Variants in TSC1 observed in about 807,000 individuals in gnomAD.
TSC1 encodes hamartin.
In TSC1, 20 loss-of-function variants were observed where a neutral mutation model predicts 124.3. The ratio of observed to expected loss-of-function variants is 0.16; its 90% confidence interval spans 0.11 to 0.23. The LOEUF (loss-of-function observed/expected upper bound fraction) is 0.23, where lower values mean the gene tolerates loss of function less well. Among genes scored for constraint, TSC1 ranks in the 10% least tolerant of loss-of-function variants. TSC1 has a pLI of 1.00. For missense variants in TSC1, 1,124 were observed against 1,448.5 expected (o/e 0.78, Z 3.64); for synonymous variants, 493 against 539.1 (o/e 0.91, Z 1.19).
intron 6 of TSC1, among the ~76,000 whole-genome samples, chr9:132,922,449 A>G (rs1846620552): frequency 6.6e-6 from 1 of 152,238 alleles, no homozygotes; most frequent in Non-Finnish European, 1.5e-5. Flanking sequence ...TTACAGAATG[A>G]ATGTGTGAGA....
intron 18 of TSC1, 87 bp from the exon 19 acceptor site, chr9:132,901,786 G>GGT: frequency 8.3e-7 from 1 of 1,201,130 alleles, no homozygotes; most frequent in Non-Finnish European, 1.2e-6. Flanking sequence ...ACAGAGGACT[G>GGT]GGAATGCCTT....
At chr9:132,930,814 A>G (rs1179377705) in intron 2 of TSC1, among the ~76,000 whole-genome samples, 1 of 152,202 alleles carries the variant, frequency 6.6e-6, no homozygotes, top group Non-Finnish European at 1.5e-5. Flanking sequence ...TGATACCATG[A>G]TATAGGAAGT....
At position 132,906,977 on chromosome 9, in the gene TSC1, ATAC is replaced by A. The variant is rs571351238; in HGVS notation, c.1334-145_1334-143del. On this transcript the variant is annotated intron_variant, in intron 13 of 22. Transcript: ENST00000298552. This position sits in a 1 kb window ranked among gnomAD's most constrained non-coding sequence, Gnocchi z 4.1. ...GGCTGGACATGGCTCTGTCCTGGGGATACTACAAAAGACTGAAATATTAAAAAT... is the reference window on the plus strand; with the variant it reads ...GGCTGGACATGGCTCTGTCCTGGGGATACAAAAGACTGAAATATTAAAAAT... The A allele has an allele frequency of 3.7e-3, 2,669 of 717,010 alleles. 8 individuals carry two copies. Among genetic ancestry groups the A allele is most frequent in the Non-Finnish European group, 4.9e-3 (2,033 of 416,804 alleles). 44.4% of individuals were successfully genotyped at this position (717,010 alleles called of 1,614,324 possible).
In TSC1 at chr9:132,911,625, TAAAAAAAAAAAAAAAAAAA is replaced by T. The variant is rs11364856; in HGVS notation, c.914-76_914-58del. 7.1e-5 allele frequency: 12 copies of T among 169,160 alleles called. No individual in the cohort carries two copies. The Admixed American group carries it at 7.8e-4, about 11-fold the overall frequency. The allele number at this position is 169,160 out of a possible 1,614,324, so 10.5% of individuals were successfully genotyped here. ...GTGTGTGGTTTTAGGTTATTCTGGT[TAAAAAAAAAAAAAAAAAAA>T]AAAAAAAAAAAAGATGGTCCTCTAG... On this transcript the variant is annotated intron_variant, in intron 9 of 22. Coordinates refer to ENST00000298552, the MANE Select transcript of TSC1 (RefSeq NM_000368.5).
At chr9:132,910,191 C>T in intron 12 of TSC1, 1 of 428,918 alleles carries the variant, frequency 2.3e-6, no homozygotes. Flanking sequence ...GTCCCAGCTA[C>T]TAGCGAGGCT....
chr9:132,910,465 C>T lies in TSC1; in HGVS notation c.1263+106G>A, dbSNP rs113308027. 4,827 of 1,585,168 alleles carry T rather than the reference C, an allele frequency of 3.0e-3. 142 individuals are homozygous for T. The African/African-American group carries it at 0.057, about 19-fold the overall frequency. ...CAATTATTCTGATTCAAACCCATTG[C>T]ATTTTAGGTCAGAATTCTATCTGGC... On this transcript the variant is annotated intron_variant, in intron 12 of 22. Coordinates refer to ENST00000298552, the MANE Select transcript of TSC1 (RefSeq NM_000368.5).
rs900576457 is a variant in TSC1 at position 132,906,220 on chromosome 9, C to T, written c.1439-81G>A. The T allele has an allele frequency of 1.0e-5, 15 of 1,462,124 alleles. No homozygotes were observed. Among genetic ancestry groups the T allele is most frequent in the South Asian group, 1.2e-5 (1 of 82,766 alleles). The allele number at this position is 1,462,124 out of a possible 1,614,324, so 90.6% of individuals were successfully genotyped here. On this transcript the variant is annotated intron_variant, in intron 14 of 22. Transcript: ENST00000298552. The surrounding 1 kb of genome is among the most constrained non-coding windows in gnomAD (Gnocchi z 4.1). The stretch of plus-strand genomic sequence containing the variant: ...ACTAGGCAGTTTGGGTGGCATGCTG[C>T]CACATGCCAGTGTCACTCAGAGAGA...
chr9:132,891,875 G>T lies in TSC1; in HGVS notation c.*4360C>A, dbSNP rs879610910. ...CAAACACTGTAAGAGGTGGGGAAAG[G>T]GAGGGAAGGGTTGGTCTGGGGGTTC... is the stretch of plus-strand genomic sequence containing the variant. On this transcript the variant is annotated 3_prime_UTR_variant, in exon 23 of 23. Transcript: ENST00000298552. The T allele has an allele frequency of 4.3e-5, 10 of 233,572 alleles. No individual in the cohort carries two copies. The Admixed American group carries it at 5.6e-4, about 13-fold the overall frequency. 14.5% of individuals were successfully genotyped at this position (233,572 alleles called of 1,614,324 possible).
chr9:132,921,040 T>C lies in TSC1; in HGVS notation c.737+323A>G, dbSNP rs562373764. ...CCAGATTTATATATATGCTAAATTG[T>C]TTTTCTGCAGTCCCCTTGTTTTTAG... is the stretch of plus-strand genomic sequence containing the variant. On this transcript the variant is annotated intron_variant, in intron 8 of 22. Transcript: ENST00000298552. This position sits in a 1 kb window ranked among gnomAD's most constrained non-coding sequence, Gnocchi z 4.3. Among the ~76,000 whole-genome samples the C allele has an allele frequency of 6.6e-6, 1 of 152,006 alleles. No individual in the cohort carries two copies. The highest frequency in any genetic ancestry group is 6.5e-5 in the Admixed American group (1 of 15,286).
At chr9:132,901,982 G>T in intron 18 of TSC1, 2 of 377,418 alleles carry the variant, frequency 5.3e-6, no homozygotes, top group Admixed American at 4.3e-5. Context: ...GGATGCTGCA[G>T]AAAGATTCTG....
chr9:132,908,900 A>ATTTTTTTTTTTTTTTTTTTTTTTT (rs1845801491), intron 12 of TSC1, among the ~76,000 whole-genome samples: 1 of 117,138 alleles, frequency 8.5e-6, no homozygotes, highest in South Asian at 2.5e-4. Flanking sequence ...TCTACCTTGC[A>ATTTTTTTTTTTTTTTTTTTTTTTT]CTTTTTTTTT....
At position 132,921,775 on chromosome 9, in the gene TSC1, A is replaced by G. The variant is rs747390924; in HGVS notation, c.663+44T>C. The G allele has an allele frequency of 1.9e-6, 3 of 1,610,974 alleles. No homozygotes were observed. The highest frequency in any genetic ancestry group is 2.5e-6 in the Non-Finnish European group (3 of 1,177,544). On this transcript the variant is annotated intron_variant, in intron 7 of 22. Transcript: ENST00000298552. The surrounding 1 kb of genome is among the most constrained non-coding windows in gnomAD (Gnocchi z 4.3). ...CAAAAGGTATAAATGCAGCCTATCT[A>G]AACAGTATACTAAGTAGCAAACAAA... is the stretch of plus-strand genomic sequence containing the variant.
chr9:132,904,833 A>G (rs1845572812), intron 15 of TSC1, among the ~76,000 whole-genome samples: 1 of 152,238 alleles, frequency 6.6e-6, no homozygotes, highest in South Asian at 2.1e-4. Context: ...CTGTTGAAAT[A>G]TACAGGGAGT....
intron 9 of TSC1, 41 bp from the exon 10 acceptor site, chr9:132,911,609 T>G: frequency 1.1e-6 from 1 of 894,860 alleles, no homozygotes; most frequent in Non-Finnish European, 1.8e-6. Context: ...AGTGTGTGGT[T>G]TTAGGTTATT....
chr9:132,928,961 A>G lies in TSC1; in HGVS notation c.-80-9T>C. ...TTGGGGCCACTACCAAACTGAGAAAAAGGAAGATGAACAGTCACTAAATGG... is the reference window on the plus strand; with the variant it reads ...TTGGGGCCACTACCAAACTGAGAAAGAGGAAGATGAACAGTCACTAAATGG... On this transcript the variant is annotated splice_polypyrimidine_tract_variant and intron_variant, in intron 2 of 22. Coordinates refer to ENST00000298552, the MANE Select transcript of TSC1 (RefSeq NM_000368.5). 1.3e-6 allele frequency: 2 copies of G among 1,586,720 alleles called. No individual in the cohort carries two copies. Among genetic ancestry groups the G allele is most frequent in the Non-Finnish European group, 1.7e-6 (2 of 1,167,518 alleles).
In TSC1 at chr9:132,892,093, A is replaced by T; in HGVS notation, c.*4142T>A. Reference sequence around the variant, plus strand: ...GCAGGCTTCCCTTGTAGCTACAGCTACTCTTCCCTCAGGCGAGCAGATAAG... The same window carrying T: ...GCAGGCTTCCCTTGTAGCTACAGCTTCTCTTCCCTCAGGCGAGCAGATAAG... On this transcript the variant is annotated 3_prime_UTR_variant, in exon 23 of 23. Coordinates refer to ENST00000298552, the MANE Select transcript of TSC1 (RefSeq NM_000368.5). 1 of 232,976 alleles carries T rather than the reference A, an allele frequency of 4.3e-6. No individual in the cohort carries two copies. Among genetic ancestry groups the T allele is most frequent in the East Asian group, 6.0e-5 (1 of 16,550 alleles). The allele number at this position is 232,976 out of a possible 1,614,324, so 14.4% of individuals were successfully genotyped here.
At position 132,903,089 on chromosome 9, in the gene TSC1, G is replaced by A. The variant is rs931853674; in HGVS notation, c.2209-302C>T. On this transcript the variant is annotated intron_variant, in intron 17 of 22. Transcript: ENST00000298552. This position sits in a 1 kb window ranked among gnomAD's most constrained non-coding sequence, Gnocchi z 5.9. ...TAAAATCTCTCAAACATGGTACTAA[G>A]TTCACTGAAACGATGAGCATTTACT... Among the ~76,000 whole-genome samples, 3 of 152,196 alleles carry A rather than the reference G, an allele frequency of 2.0e-5. No individual in the cohort carries two copies. Among genetic ancestry groups the A allele is most frequent in the Admixed American group, 6.5e-5 (1 of 15,290 alleles).
In TSC1 at chr9:132,923,540, C is replaced by G; in HGVS notation, c.364-48G>C. On this transcript the variant is annotated intron_variant, in intron 5 of 22. Coordinates refer to ENST00000298552, the MANE Select transcript of TSC1 (RefSeq NM_000368.5). The surrounding 1 kb of genome is among the most constrained non-coding windows in gnomAD (Gnocchi z 4.2). Reference sequence around the variant, plus strand: ...GGAAACGTCTGTCAGGCACTGGCACCAGGATCGGCATTGTACAGTACATGA... The same window carrying G: ...GGAAACGTCTGTCAGGCACTGGCACGAGGATCGGCATTGTACAGTACATGA... The G allele has an allele frequency of 3.1e-6, 5 of 1,613,266 alleles. No individual in the cohort carries two copies. The highest frequency in any genetic ancestry group is 4.2e-6 in the Non-Finnish European group (5 of 1,179,530).
At chr9:132,909,696 G>A (rs1436336546) in intron 12 of TSC1, 2 of 152,174 alleles carry the variant, frequency 1.3e-5, no homozygotes, top group Non-Finnish European at 2.9e-5. Context: ...CAGTACATGT[G>A]CCTTATGCAT....
Sources: allele counts gnomAD v4.1 joint callset (sites outside exome capture counted in the v4.1 genomes callset), GRCh38; gene constraint gnomAD v4.1.1; non-coding constraint Gnocchi (gnomAD v3.1); transcripts MANE v1.5; gene names NCBI Gene and HGNC (gene_info 2026-07-23, HGNC 2026-07-21).